XKR4: variants seen among roughly 807,000 people sequenced by gnomAD.
XKR4 encodes XK-related protein 4.
In XKR4, 12 loss-of-function variants were observed where a neutral mutation model predicts 53.9. The ratio of observed to expected loss-of-function variants is 0.22; its 90% CI spans 0.14 to 0.36. XKR4 has a LOEUF of 0.36. Among genes scored for constraint, XKR4 ranks in the 10% least tolerant of loss-of-function variants. The pLI, the probability that XKR4 is intolerant of heterozygous loss-of-function variation, is 1.00. For synonymous variants in XKR4, 354 were observed against 362.4 expected (o/e 0.98, Z 0.26); for missense variants, 799 against 859.5 (o/e 0.93, Z 0.88).
intron 1 of XKR4, among the ~76,000 whole-genome samples, chr8:55,315,412 G>A (rs1819458891): frequency 6.6e-6 from 1 of 152,192 alleles, no homozygotes; most frequent in Non-Finnish European, 1.5e-5. Flanking sequence ...AATAAGATGT[G>A]TGGCAGCGCC....
chr8:55,264,424 A>C (rs2129371536), intron 1 of XKR4, among the ~76,000 whole-genome samples: 1 of 152,326 alleles, frequency 6.6e-6, no homozygotes, highest in African/African-American at 2.4e-5. Context: ...GAAACATAGA[A>C]GTCCTTAGGA....
At chr8:55,106,620 C>T (rs1054080668) in intron 1 of XKR4, among the ~76,000 whole-genome samples, 1 of 152,118 alleles carries the variant, frequency 6.6e-6, no homozygotes, top group Non-Finnish European at 1.5e-5. Flanking sequence ...TGCTTTTGAT[C>T]AATTGCCTCC....
At chr8:55,421,843 C>T (rs553910666) in intron 2 of XKR4, among the ~76,000 whole-genome samples, 14 of 152,262 alleles carry the variant, frequency 9.2e-5, no homozygotes, top group African/African-American at 3.1e-4. Context: ...GAATGAGACA[C>T]TAGGGAAGCA....
intron 2 of XKR4, among the ~76,000 whole-genome samples, chr8:55,432,647 G>A (rs938069907): frequency 6.6e-6 from 1 of 152,070 alleles, no homozygotes; most frequent in Non-Finnish European, 1.5e-5. Context: ...GAAATCTGAG[G>A]TTTGCAGAAA....
intron 1 of XKR4, among the ~76,000 whole-genome samples, chr8:55,134,404 G>T (rs1563464877): frequency 6.6e-6 from 1 of 152,352 alleles, no homozygotes; most frequent in Non-Finnish European, 1.5e-5. Flanking sequence ...GTAAAAAGAA[G>T]AGATGTATAC....
At chr8:55,380,982 A>T (rs1356218839) in intron 2 of XKR4, among the ~76,000 whole-genome samples, 1 of 152,204 alleles carries the variant, frequency 6.6e-6, no homozygotes, top group Non-Finnish European at 1.5e-5. Flanking sequence ...TCTTTGGTGG[A>T]TCTAATATTT....
chr8:55,137,377 T>C, intron 1 of XKR4, among the ~76,000 whole-genome samples: 1 of 152,310 alleles, frequency 6.6e-6, no homozygotes, highest in Non-Finnish European at 1.5e-5. Flanking sequence ...TTATTATATA[T>C]TGAGCACCTG....
intron 1 of XKR4, among the ~76,000 whole-genome samples, chr8:55,131,439 T>TA (rs1816552811): frequency 6.6e-6 from 1 of 152,220 alleles, no homozygotes; most frequent in African/African-American, 2.4e-5. Flanking sequence ...ATTACTTTGT[T>TA]ACACAGTGGA....
intron 1 of XKR4, among the ~76,000 whole-genome samples, chr8:55,332,049 G>C (rs375348564): frequency 7.2e-5 from 11 of 151,968 alleles, no homozygotes; most frequent in East Asian, 5.8e-4. Context: ...TTAGTATTTA[G>C]TTGATTTTTT....
chr8:55,183,194 CAT>C (rs1235198811), intron 1 of XKR4, among the ~76,000 whole-genome samples: 1 of 151,488 alleles, frequency 6.6e-6, no homozygotes, highest in Non-Finnish European at 1.5e-5. Context: ...TTTAAAAATA[CAT>C]ATCTTTCTAT....
At position 55,478,117 on chromosome 8, in the gene XKR4, G is replaced by C. The variant is rs560214754; in HGVS notation, c.1007-45164G>C. On this transcript the variant is annotated intron_variant, in intron 2 of 2. Transcript: ENST00000327381. ...ACACATAATTGTCAGATTCACCAAA[G>C]TTGAAGGAAAAAATGTTAAGGGCAG... is the stretch of plus-strand genomic sequence containing the variant. Among the ~76,000 whole-genome samples, 99 of 151,582 alleles carry C rather than the reference G, an allele frequency of 6.5e-4. 1 individual carries two copies. The highest frequency in any genetic ancestry group is 2.4e-3 in the African/African-American group (98 of 41,378).
intron 1 of XKR4, among the ~76,000 whole-genome samples, chr8:55,168,009 A>AAT (rs1031224667): frequency 6.6e-6 from 1 of 152,216 alleles, no homozygotes; most frequent in Non-Finnish European, 1.5e-5. Flanking sequence ...CATTATGAGA[A>AAT]ATATAGGTAC....
At chr8:55,399,134 G>A (rs1563340860) in intron 2 of XKR4, among the ~76,000 whole-genome samples, 3 of 152,116 alleles carry the variant, frequency 2.0e-5, no homozygotes, top group African/African-American at 7.2e-5. Flanking sequence ...ATTTCTAGTG[G>A]GATTGGAGCC....
chr8:55,354,367 C>T (rs1349960020), intron 1 of XKR4, among the ~76,000 whole-genome samples: 3 of 152,140 alleles, frequency 2.0e-5, no homozygotes, highest in African/African-American at 7.2e-5. Context: ...GAAGGCCTTT[C>T]CCAAACAAGC....
At chr8:55,415,498 A>T (rs545458925) in intron 2 of XKR4, among the ~76,000 whole-genome samples, 1 of 152,326 alleles carries the variant, frequency 6.6e-6, no homozygotes, top group East Asian at 1.9e-4. Context: ...GCAAGCGTTT[A>T]TTGAGCTCCT....
At position 55,305,451 on chromosome 8, in the gene XKR4, A is replaced by T. The variant is rs72645636; in HGVS notation, c.807-52227A>T. Among the ~76,000 whole-genome samples, 224 of 152,258 alleles carry T rather than the reference A, an allele frequency of 1.5e-3. 1 individual carries two copies. The highest frequency in any genetic ancestry group is 3.5e-3 in the South Asian group (17 of 4,824). On this transcript the variant is annotated intron_variant, in intron 1 of 2. Transcript: ENST00000327381. ...GAGACTTCTCATCTCTTACTCCCAA[A>T]TTAGCCTAAAAAGGTCAAGCTTTTC...
Position 55,450,122 on chromosome 8 carries a change from G to T in XKR4, c.1007-73159G>T, listed in dbSNP as rs926281573. 4 of 696,970 alleles carry T rather than the reference G, an allele frequency of 5.7e-6. No individual in the cohort carries two copies. In the African/African-American group the frequency reaches 7.0e-5, roughly 12 times the overall value. The allele number at this position is 696,970 out of a possible 1,614,324, so 43.2% of individuals were successfully genotyped here. A position where few individuals can be genotyped will look rare whatever the true frequency, so the allele number is the denominator to read the frequency against. ...GTGTCCTTCCAGCGCTTAGCGGGTC[G>T]GCTCAGCTCTGTCTCCAACCTCTGC... On this transcript the variant is annotated intron_variant, in intron 2 of 2. Transcript: ENST00000327381.
rs142794630 is a variant in XKR4, at chr8:55,398,596, C to T, written c.1006+40719C>T. 4.5e-3 allele frequency among the ~76,000 whole-genome samples: 685 copies of T among 152,148 alleles called. 6 individuals are homozygous for T. The highest frequency in any genetic ancestry group is 0.017 in the Middle Eastern group (5 of 294). On this transcript the variant is annotated intron_variant, in intron 2 of 2. Coordinates refer to ENST00000327381, the MANE Select transcript of XKR4 (RefSeq NM_052898.2). ...TTTGCTTGGGCATTAATTGGCTCTG[C>T]GGCTTTAGTTCAATCACTTCACCTC...
chr8:55,438,063 C>T (rs1252420965), intron 2 of XKR4, among the ~76,000 whole-genome samples: 5 of 151,860 alleles, frequency 3.3e-5, no homozygotes, highest in East Asian at 3.9e-4. Context: ...TGAAGGAAGA[C>T]GTAACAGCCA....
Sources: gnomAD v4.1 joint callset for allele counts (sites outside exome capture counted in the v4.1 genomes callset) on GRCh38, gnomAD v4.1.1 for gene constraint, MANE v1.5 for transcripts, NCBI Gene and HGNC (gene_info 2026-07-23, HGNC 2026-07-21) for gene names.